Variants in GALNT13 observed in about 807,000 individuals in gnomAD.
The protein encoded by GALNT13 is UDP-GalNAc:polypeptide N-acetylgalactosaminyltransferase 13.
Under a neutral mutation model 64.2 loss-of-function variants are expected in GALNT13, and 28 were observed. That is an observed-to-expected ratio of 0.44 (90% CI 0.32 to 0.60). The LOEUF (loss-of-function observed/expected upper bound fraction) is 0.60. Ranked by LOEUF, GALNT13 falls within the 20% of genes least tolerant of loss-of-function variation. GALNT13 has a pLI of 0.05. For synonymous variants in GALNT13, 214 were observed against 224.6 expected, an observed-to-expected ratio of 0.95 and a Z score of 0.42; for missense variants, 577 against 669.8, an observed-to-expected ratio of 0.86 and a Z score of 1.53.
the GALNT13 span, among the ~76,000 whole-genome samples, chr2:153,076,473 G>A: frequency 6.6e-6 from 1 of 152,118 alleles, no homozygotes; most frequent in African/African-American, 2.4e-5. Context: ...GAATTTATCA[G>A]TCTCTTAATT....
At chr2:154,383,676 TAAATATTA>T (rs1698379175) in intron 9 of GALNT13, among the ~76,000 whole-genome samples, 1 of 151,944 alleles carries the variant, frequency 6.6e-6, no homozygotes, top group Non-Finnish European at 1.5e-5. Flanking sequence ...TGCACTTTAA[TAAATATTA>T]AAATATTACT....
chr2:154,012,496 AT>A (rs1336697413), intron 3 of GALNT13, among the ~76,000 whole-genome samples: 1 of 151,616 alleles, frequency 6.6e-6, no homozygotes, highest in Non-Finnish European at 1.5e-5. Context: ...AGCTGCCTTT[AT>A]TTTTTCTTTC....
At chr2:153,483,367 TACATAAATGGAA>T in the GALNT13 span, among the ~76,000 whole-genome samples, 7 of 151,900 alleles carry the variant, frequency 4.6e-5, no homozygotes, top group South Asian at 1.5e-3. Flanking sequence ...CTGTGGTATT[TACATAAATGGAA>T]TATTATTCCG....
the GALNT13 span, among the ~76,000 whole-genome samples, chr2:153,216,106 A>G: frequency 6.6e-6 from 1 of 151,998 alleles, no homozygotes; most frequent in Non-Finnish European, 1.5e-5. Flanking sequence ...GACCTCTTTC[A>G]ATGAACAAAG....
intron 8 of GALNT13, chr2:154,286,618 C>A (rs76207467): frequency 0.027 from 6,727 of 245,290 alleles, 450 homozygotes; most frequent in African/African-American, 0.14. Context: ...AGTCTATTAA[C>A]AAGTTTGGCC....
the GALNT13 span, chr2:153,762,178 A>G: frequency 6.6e-6 from 1 of 151,408 alleles, no homozygotes; most frequent in Non-Finnish European, 1.5e-5. Flanking sequence ...TTTACAGTCC[A>G]GTAACTTGGC....
chr2:153,385,110 A>G, the GALNT13 span, among the ~76,000 whole-genome samples: 2 of 152,078 alleles, frequency 1.3e-5, no homozygotes, highest in Non-Finnish European at 2.9e-5. Flanking sequence ...TGCAACCACT[A>G]TGGAGAATAG....
the GALNT13 span, among the ~76,000 whole-genome samples, chr2:153,591,964 C>T: frequency 6.6e-6 from 1 of 151,964 alleles, no homozygotes; most frequent in Non-Finnish European, 1.5e-5. Context: ...TTACAAGAAA[C>T]TCAAACAACT....
chr2:153,557,952 A>T, the GALNT13 span, among the ~76,000 whole-genome samples: 1 of 152,124 alleles, frequency 6.6e-6, no homozygotes, highest in African/African-American at 2.4e-5. Flanking sequence ...GATAAGTGGC[A>T]TTCCCTAGGA....
At chr2:153,175,394 C>A in the GALNT13 span, among the ~76,000 whole-genome samples, 13 of 152,158 alleles carry the variant, frequency 8.5e-5, no homozygotes, top group African/African-American at 3.1e-4. Context: ...GTGTAATTTG[C>A]AAATTCTTAA....
intron 3 of GALNT13, among the ~76,000 whole-genome samples, chr2:154,095,562 AT>A (rs949057758): frequency 2.6e-5 from 4 of 151,918 alleles, no homozygotes; most frequent in African/African-American, 7.2e-5. Context: ...ATCCTTAACT[AT>A]TTTTTTAATT....
chr2:154,015,865 C>T (rs1056851395), intron 3 of GALNT13, among the ~76,000 whole-genome samples: 1 of 151,962 alleles, frequency 6.6e-6, no homozygotes, highest in African/African-American at 2.4e-5. Context: ...TATATTTATC[C>T]TAATATTTTA....
chr2:153,683,961 A>T, the GALNT13 span, among the ~76,000 whole-genome samples: 116 of 151,730 alleles, frequency 7.6e-4, no homozygotes, highest in Non-Finnish European at 1.3e-3. Flanking sequence ...TCCAGCTATC[A>T]CTGTCCTTCA....
chr2:154,323,704 G>C (rs1372154347), intron 9 of GALNT13, among the ~76,000 whole-genome samples: 2 of 152,042 alleles, frequency 1.3e-5, no homozygotes, highest in Non-Finnish European at 2.9e-5. Flanking sequence ...CACCCTTCCA[G>C]TGATAGTTAC....
chr2:153,937,615 C>T (rs536437515), intron 2 of GALNT13, among the ~76,000 whole-genome samples: 1 of 152,084 alleles, frequency 6.6e-6, no homozygotes, highest in African/African-American at 2.4e-5. Flanking sequence ...AGTGAATTAT[C>T]AGATATATGA....
the GALNT13 span, among the ~76,000 whole-genome samples, chr2:153,237,783 C>T: frequency 6.6e-6 from 1 of 152,052 alleles, no homozygotes; most frequent in South Asian, 2.1e-4. Flanking sequence ...AATAGTGCTG[C>T]AACAAACATG....
the GALNT13 span, among the ~76,000 whole-genome samples, chr2:153,690,204 C>T: frequency 6.6e-6 from 1 of 152,058 alleles, no homozygotes; most frequent in African/African-American, 2.4e-5. Context: ...GAATATATTA[C>T]TGAGATATTC....
In GALNT13 at chr2:154,259,089, A is replaced by G. The variant is rs1484024410; in HGVS notation, c.926A>G (p.Asp309Gly). ...TACTTTGAAGAGATAGGAACTTACGATGCAGGAATGGATATCTGGGGTGGA... is the reference window on the plus strand; with the variant it reads ...TACTTTGAAGAGATAGGAACTTACGGTGCAGGAATGGATATCTGGGGTGGA... ...RNYFEEIGTY[D>G]AGMDIWGGEN... The change falls in exon 8 of 13, where the codon GAT becomes GGT. Residue 309 changes from aspartate to glycine, a missense_variant. Physicochemically the swap from Asp to Gly is moderately conservative, Grantham distance 94 (BLOSUM62 -1). Coordinates refer to ENST00000392825, the MANE Select transcript of GALNT13 (RefSeq NM_052917.4). 6.2e-7 allele frequency: 1 copy of G among 1,608,634 alleles called. No individual in the cohort carries two copies. The highest frequency in any genetic ancestry group is 1.1e-5 in the South Asian group (1 of 90,242).
At chr2:154,309,864 C>T (rs762885434) in intron 9 of GALNT13, among the ~76,000 whole-genome samples, 2 of 152,140 alleles carry the variant, frequency 1.3e-5, no homozygotes, top group Non-Finnish European at 2.9e-5. Context: ...TCCTAACAAC[C>T]TTTTAATGAC....
Sources: allele counts gnomAD v4.1 joint callset (sites outside exome capture counted in the v4.1 genomes callset), GRCh38; gene constraint gnomAD v4.1.1; transcripts MANE v1.5; gene names NCBI Gene and HGNC (gene_info 2026-07-23, HGNC 2026-07-21).